MIPOL1: variants seen among roughly 807,000 people sequenced by gnomAD.
The protein encoded by MIPOL1 is mirror-image polydactyly gene 1 protein.
A neutral mutation model predicts 60.9 loss-of-function variants in MIPOL1; 57 were observed. The observed-to-expected ratio is 0.94, with a 90% CI of 0.76 to 1.17. MIPOL1 has a LOEUF of 1.17. MIPOL1 is among the 50% of genes most tolerant of loss of function. The pLI, the probability that MIPOL1 is intolerant of heterozygous loss-of-function variation, is 0.00. For missense variants in MIPOL1, 551 were observed against 511.6 expected (o/e 1.08, Z -0.74); for synonymous variants, 179 against 168.8 (o/e 1.06, Z -0.47).
chr14:37,498,196 G>A lies in MIPOL1; in HGVS notation c.1032-1712G>A, dbSNP rs567174371. ...ATTAGTACTTACCTTTTGGGGAGGG[G>A]AAAAAATGGGAGGGAACACTGGGGG... On this transcript the variant is annotated intron_variant, in intron 11 of 12. Transcript: ENST00000684589. Among the ~76,000 whole-genome samples, 4 of 152,146 alleles carry A rather than the reference G, an allele frequency of 2.6e-5. No homozygotes were observed. The South Asian group carries it at 8.3e-4, about 32-fold the overall frequency.
At chr14:37,441,808 G>A (rs560382604) in intron 11 of MIPOL1, among the ~76,000 whole-genome samples, 189 of 152,064 alleles carry the variant, frequency 1.2e-3, no homozygotes, top group Non-Finnish European at 1.1e-3. Context: ...GAAAAATGAC[G>A]TTGGTGTTTT....
intron 7 of MIPOL1, among the ~76,000 whole-genome samples, chr14:37,296,602 A>T (rs1465111678): frequency 6.6e-6 from 1 of 152,206 alleles, no homozygotes; most frequent in African/African-American, 2.4e-5. Context: ...AATAGACACA[A>T]TAAAAAATGG....
rs1964608174 is a variant in MIPOL1 at position 37,197,997 on chromosome 14, A to T, written c.-306A>T. The stretch of plus-strand genomic sequence containing the variant: ...GTCTGTGGGTGAGTCTCGAGCCAGG[A>T]GGCTCTGAGCCAGTGGCGATTGGCT... On this transcript the variant is annotated 5_prime_UTR_variant, in exon 1 of 13. Coordinates refer to ENST00000684589, the MANE Select transcript of MIPOL1 (RefSeq NM_001388067.1). The T allele has an allele frequency of 6.6e-6, 1 of 152,332 alleles. No homozygotes were observed. The highest frequency in any genetic ancestry group is 2.4e-5 in the African/African-American group (1 of 41,562). 9.4% of individuals were successfully genotyped at this position (152,332 alleles called of 1,614,324 possible). A position where few individuals can be genotyped will look rare whatever the true frequency, so the allele number is the denominator to read the frequency against.
intron 11 of MIPOL1, among the ~76,000 whole-genome samples, chr14:37,475,898 A>C (rs563999533): frequency 6.6e-6 from 1 of 152,148 alleles, no homozygotes; most frequent in South Asian, 2.1e-4. Flanking sequence ...TGAGTTGACT[A>C]TTTGGGGTCT....
chr14:37,318,820 TTTATTTAG>T (rs1228959623), intron 9 of MIPOL1, among the ~76,000 whole-genome samples: 17 of 147,204 alleles, frequency 1.2e-4, no homozygotes, highest in African/African-American at 4.2e-4. Context: ...TATTTATTTA[TTTATTTAG>T]TTAGTTAGTT....
intron 9 of MIPOL1, among the ~76,000 whole-genome samples, chr14:37,322,245 G>A (rs560230187): frequency 3.9e-5 from 6 of 151,954 alleles, no homozygotes; most frequent in African/African-American, 9.6e-5. Flanking sequence ...CATTCTCTAC[G>A]TCTGACAAGT....
intron 12 of MIPOL1, among the ~76,000 whole-genome samples, chr14:37,513,594 C>T (rs1265563210): frequency 6.6e-6 from 1 of 152,000 alleles, no homozygotes; most frequent in African/African-American, 2.4e-5. Flanking sequence ...CAATGGAGTG[C>T]AAAGTGAAGG....
At chr14:37,412,809 T>C (rs1301380295) in intron 10 of MIPOL1, among the ~76,000 whole-genome samples, 1 of 152,136 alleles carries the variant, frequency 6.6e-6, no homozygotes, top group East Asian at 1.9e-4. Context: ...CAATGAAACA[T>C]TCATGTAAAA....
chr14:37,551,073 T>C lies in MIPOL1; in HGVS notation c.*4102T>C, dbSNP rs183835336. The C allele has an allele frequency of 4.9e-4, 74 of 152,242 alleles. No homozygotes were observed. Among genetic ancestry groups the C allele is most frequent in the African/African-American group, 1.6e-3 (65 of 41,570 alleles). 9.4% of individuals were successfully genotyped at this position (152,242 alleles called of 1,614,324 possible). On this transcript the variant is annotated 3_prime_UTR_variant, in exon 13 of 13. Transcript: ENST00000684589. ...ATACAATGATATTCCTTTGCAGAAG[T>C]CTTAATATGCATAATTTTTAATCTA...
intron 3 of MIPOL1, among the ~76,000 whole-genome samples, chr14:37,255,052 C>G (rs1327923707): frequency 6.6e-6 from 1 of 151,836 alleles, no homozygotes; most frequent in Admixed American, 6.6e-5. Context: ...TTTAAATTCT[C>G]CATGCTTAAG....
intron 11 of MIPOL1, among the ~76,000 whole-genome samples, chr14:37,448,268 T>C (rs2094367053): frequency 6.6e-6 from 1 of 152,174 alleles, no homozygotes; most frequent in African/African-American, 2.4e-5. Context: ...CTAGCAGCCA[T>C]AGCCAGTGTG....
chr14:37,480,679 TC>T (rs992717510), intron 11 of MIPOL1, among the ~76,000 whole-genome samples: 7 of 152,110 alleles, frequency 4.6e-5, no homozygotes, highest in Admixed American at 2.6e-4. Flanking sequence ...CCATTTCTTT[TC>T]CACATAGTAC....
intron 9 of MIPOL1, among the ~76,000 whole-genome samples, chr14:37,367,861 G>T (rs766542208): frequency 6.6e-6 from 1 of 151,686 alleles, no homozygotes; most frequent in Non-Finnish European, 1.5e-5. Flanking sequence ...TCATTTTCTC[G>T]GGTCATAATT....
At chr14:37,418,670 T>C (rs535527758) in intron 10 of MIPOL1, among the ~76,000 whole-genome samples, 3 of 152,218 alleles carry the variant, frequency 2.0e-5, no homozygotes, top group South Asian at 2.1e-4. Flanking sequence ...AATTAGAAAT[T>C]ACTTAAGCTT....
At chr14:37,519,728 A>G (rs1192442735) in intron 12 of MIPOL1, among the ~76,000 whole-genome samples, 1 of 152,152 alleles carries the variant, frequency 6.6e-6, no homozygotes. Context: ...CTTTAAAAAT[A>G]GTAATAATGA....
intron 3 of MIPOL1, among the ~76,000 whole-genome samples, chr14:37,256,097 A>G (rs1450139325): frequency 3.3e-5 from 5 of 152,028 alleles, no homozygotes; most frequent in Non-Finnish European, 5.9e-5. Flanking sequence ...TTAACAAACA[A>G]TGTTCATTGA....
At chr14:37,518,860 A>G (rs773659850) in intron 12 of MIPOL1, among the ~76,000 whole-genome samples, 34 of 152,162 alleles carry the variant, frequency 2.2e-4, no homozygotes, top group Non-Finnish European at 3.8e-4. Context: ...TATAGAAAGG[A>G]CACATAAACC....
chr14:37,412,367 A>T (rs1336437987), intron 10 of MIPOL1, among the ~76,000 whole-genome samples: 4 of 152,110 alleles, frequency 2.6e-5, no homozygotes, highest in Admixed American at 1.3e-4. Flanking sequence ...GATAGTTGTC[A>T]TAAAAAAAAG....
intron 10 of MIPOL1, among the ~76,000 whole-genome samples, chr14:37,421,309 C>T (rs2093869475): frequency 6.6e-6 from 1 of 152,092 alleles, no homozygotes; most frequent in Non-Finnish European, 1.5e-5. Context: ...AGCACTGGCA[C>T]ATATTTATTT....
Sources: allele counts gnomAD v4.1 joint callset (sites outside exome capture counted in the v4.1 genomes callset), GRCh38; gene constraint gnomAD v4.1.1; transcripts MANE v1.5; gene names NCBI Gene and HGNC (gene_info 2026-07-23, HGNC 2026-07-21).